Variants in NDRG3 observed in about 807,000 individuals in gnomAD.
NDRG3 encodes protein NDRG3.
NDRG3 carries 23 observed loss-of-function variants against 57.2 expected under a neutral mutation model. That is an observed-to-expected ratio of 0.40 (90% CI 0.29 to 0.57). NDRG3 has a LOEUF of 0.57. Among genes scored for constraint, NDRG3 ranks in the 20% least tolerant of loss-of-function variants. The probability of loss-of-function intolerance (pLI) is 0.42; values close to 1 mark genes in which losing one functional copy is unlikely to be tolerated. For missense variants in NDRG3, 384 were observed against 457.3 expected (o/e 0.84, Z 1.46); for synonymous variants, 132 against 162.6 (o/e 0.81, Z 1.43).
In NDRG3 at chr20:36,744,977, G is replaced by A. The variant is rs7275019; in HGVS notation, c.-49+1068C>T. ...CTGAGGGCCAGGGTAAGGGGGGGGG[G>A]GGGCGCGGCGGGGGTGATCTGGATG... On this transcript the variant is annotated intron_variant, in intron 1 of 15. Transcript: ENST00000349004. Among the ~76,000 whole-genome samples the A allele has an allele frequency of 4.0e-3, 607 of 151,130 alleles. 26 individuals carry two copies. The highest frequency in any genetic ancestry group is 0.014 in the African/African-American group (582 of 40,972).
At chr20:36,687,227 CACTT>C (rs66481141) in intron 5 of NDRG3, among the ~76,000 whole-genome samples, 107,601 of 151,320 alleles carry the variant, frequency 0.71, 38,966 homozygotes, top group Non-Finnish European at 0.78. Flanking sequence ...ATGTTCCAGA[CACTT>C]ATGCCTTGAG....
At position 36,734,099 on chromosome 20, in the gene NDRG3, C is replaced by T. The variant is rs143911082; in HGVS notation, c.-49+11946G>A. ...ACATGCCTGGGCACGGTGGCTCACG[C>T]CTGTAATCCCAGCACTTTGGGAGGC... On this transcript the variant is annotated intron_variant, in intron 1 of 15. Coordinates refer to ENST00000349004, the MANE Select transcript of NDRG3 (RefSeq NM_032013.4). Among the ~76,000 whole-genome samples, 6 of 152,272 alleles carry T rather than the reference C, an allele frequency of 3.9e-5. No homozygotes were observed. The East Asian group carries it at 1.2e-3, about 29-fold the overall frequency.
intron 1 of NDRG3, among the ~76,000 whole-genome samples, chr20:36,723,088 G>A (rs1190903919): frequency 6.6e-6 from 1 of 152,162 alleles, no homozygotes; most frequent in Non-Finnish European, 1.5e-5. Flanking sequence ...TACAGCCCCA[G>A]GGACACCTGA....
Position 36,715,652 on chromosome 20 carries a change from T to C in NDRG3, c.57+6027A>G, listed in dbSNP as rs971031223. On this transcript the variant is annotated intron_variant, in intron 2 of 15. Transcript: ENST00000349004. Reference sequence around the variant, plus strand: ...GGGCAACAAAGTGAGACCTCTTCTCTACAAATAACTTAAAAATTGGCCAGG... The same window carrying C: ...GGGCAACAAAGTGAGACCTCTTCTCCACAAATAACTTAAAAATTGGCCAGG... Among the ~76,000 whole-genome samples the C allele has an allele frequency of 1.7e-4, 26 of 150,036 alleles. 1 individual carries two copies. Among genetic ancestry groups the C allele is most frequent in the Admixed American group, 1.4e-3 (21 of 15,066 alleles).
chr20:36,699,402 G>C (rs1983058216), intron 3 of NDRG3, among the ~76,000 whole-genome samples: 1 of 152,146 alleles, frequency 6.6e-6, no homozygotes, highest in South Asian at 2.1e-4. Flanking sequence ...AAAGCGGGGG[G>C]AGGCAGCAAG....
At chr20:36,673,408 T>C (rs1026642769) in intron 8 of NDRG3, among the ~76,000 whole-genome samples, 17 of 150,996 alleles carry the variant, frequency 1.1e-4, no homozygotes, top group African/African-American at 4.1e-4. Context: ...GTTTGTTTTC[T>C]TTTTTTTTGA....
At chr20:36,739,173 G>C (rs1372340149) in intron 1 of NDRG3, among the ~76,000 whole-genome samples, 15 of 107,544 alleles carry the variant, frequency 1.4e-4, no homozygotes, top group South Asian at 9.6e-4. Context: ...AAAAGGCCAG[G>C]CACAGTGGCT....
chr20:36,705,643 A>T (rs1195411651), intron 3 of NDRG3, among the ~76,000 whole-genome samples: 2 of 152,162 alleles, frequency 1.3e-5, no homozygotes, highest in African/African-American at 4.8e-5. Flanking sequence ...CACTTCTGTT[A>T]CTGCTATGGC....
intron 9 of NDRG3, among the ~76,000 whole-genome samples, chr20:36,670,067 G>C (rs534056606): frequency 6.6e-6 from 1 of 152,180 alleles, no homozygotes; most frequent in East Asian, 1.9e-4. Flanking sequence ...TGAAGTTTCA[G>C]AACAGTCAAA....
chr20:36,658,293 G>A (rs776506500), intron 13 of NDRG3, among the ~76,000 whole-genome samples: 3 of 152,062 alleles, frequency 2.0e-5, no homozygotes, highest in Admixed American at 6.5e-5. Context: ...CATCATGCCC[G>A]GCTAATTTTT....
At chr20:36,675,809 A>AC (rs1004698384) in intron 8 of NDRG3, among the ~76,000 whole-genome samples, 2 of 152,206 alleles carry the variant, frequency 1.3e-5, no homozygotes, top group Admixed American at 1.3e-4. Flanking sequence ...GAGGTTTATA[A>AC]ACCACCGTGC....
chr20:36,719,668 C>T (rs896097603), intron 2 of NDRG3, among the ~76,000 whole-genome samples: 25 of 150,622 alleles, frequency 1.7e-4, no homozygotes, highest in African/African-American at 3.9e-4. Context: ...CACCCGCACA[C>T]CCCCCCTCCC....
At chr20:36,684,183 T>C (rs190716645) in intron 6 of NDRG3, among the ~76,000 whole-genome samples, 1 of 152,270 alleles carries the variant, frequency 6.6e-6, no homozygotes, top group African/African-American at 2.4e-5. Flanking sequence ...AGAGAGGAAT[T>C]CCCTAACTTG....
chr20:36,680,656 T>A (rs1981199714), intron 8 of NDRG3, among the ~76,000 whole-genome samples, 160 bp downstream of exon 8: 1 of 152,192 alleles, frequency 6.6e-6, no homozygotes, highest in South Asian at 2.1e-4. Flanking sequence ...GCTGGGAATA[T>A]TCTATATCTT....
At chr20:36,673,118 C>A (rs2148063776) in intron 8 of NDRG3, among the ~76,000 whole-genome samples, 1 of 152,172 alleles carries the variant, frequency 6.6e-6, no homozygotes, top group South Asian at 2.1e-4. Flanking sequence ...CCTGCCTCAC[C>A]CTCCCAAAGT....
chr20:36,686,538 G>A (rs1043933697), intron 5 of NDRG3, among the ~76,000 whole-genome samples: 2 of 152,212 alleles, frequency 1.3e-5, no homozygotes, highest in African/African-American at 4.8e-5. Context: ...ATGAGTGAAA[G>A]GATAGGGGAA....
intron 1 of NDRG3, among the ~76,000 whole-genome samples, chr20:36,729,611 T>C (rs1399254678): frequency 6.6e-6 from 1 of 151,944 alleles, no homozygotes; most frequent in East Asian, 1.9e-4. Context: ...ACCTGCAACC[T>C]CTGTCTTCCA....
intron 12 of NDRG3, among the ~76,000 whole-genome samples, chr20:36,662,879 T>C (rs1294548426): frequency 6.6e-6 from 1 of 152,144 alleles, no homozygotes; most frequent in African/African-American, 2.4e-5. Context: ...ATTACAGTCT[T>C]GAAAAATAAC....
At chr20:36,714,573 C>T (rs1271104540) in intron 2 of NDRG3, among the ~76,000 whole-genome samples, 2 of 150,996 alleles carry the variant, frequency 1.3e-5, no homozygotes, top group African/African-American at 4.9e-5. Context: ...TCCAGAGTAG[C>T]TGTGGCATGT....
Sources: gnomAD v4.1 joint callset for allele counts (sites outside exome capture counted in the v4.1 genomes callset) on GRCh38, gnomAD v4.1.1 for gene constraint, MANE v1.5 for transcripts, NCBI Gene and HGNC (gene_info 2026-07-23, HGNC 2026-07-21) for gene names.